Variants in WDR27 observed in about 807,000 individuals in gnomAD.
The protein encoded by WDR27 is WD repeat domain 27, also known as WD repeat-containing protein 27.
WDR27 carries 100 observed loss-of-function variants against 114.4 expected under a neutral mutation model. That is an observed-to-expected ratio of 0.87 (90% CI 0.74 to 1.03). WDR27 has a LOEUF of 1.03. WDR27 is among the 50% of genes least tolerant of loss of function. The pLI, the probability that WDR27 is intolerant of heterozygous loss-of-function variation, is 0.00. For synonymous variants in WDR27, 449 were observed against 423.1 expected (o/e 1.06, Z -0.75); for missense variants, 1,129 against 1,092.9 (o/e 1.03, Z -0.47).
At chr6:169,568,692 G>A (rs929443725) in intron 25 of WDR27, among the ~76,000 whole-genome samples, 2 of 152,214 alleles carry the variant, frequency 1.3e-5, no homozygotes, top group African/African-American at 4.8e-5. Context: ...ACATATTCTT[G>A]AAGGACAGAT....
At chr6:169,599,498 C>G (rs904595276) in intron 23 of WDR27, among the ~76,000 whole-genome samples, 1 of 151,984 alleles carries the variant, frequency 6.6e-6, no homozygotes, top group African/African-American at 2.4e-5. Context: ...GGAGAGTGTA[C>G]GTGTCGAGGA....
intron 25 of WDR27, among the ~76,000 whole-genome samples, chr6:169,571,270 AT>A (rs58906571): frequency 0.29 from 42,994 of 149,540 alleles, 6,651 homozygotes; most frequent in African/African-American, 0.41. Context: ...TAAAAAAAAA[AT>A]AAATAAAAAG....
At chr6:169,644,860 T>C (rs1820142126) in intron 16 of WDR27, among the ~76,000 whole-genome samples, 1 of 102,294 alleles carries the variant, frequency 9.8e-6, no homozygotes, top group Non-Finnish European at 1.8e-5. Flanking sequence ...ATACAAAAAA[T>C]TAGCCGGGCG....
chr6:169,626,613 G>C (rs1471756786), intron 21 of WDR27, among the ~76,000 whole-genome samples: 1 of 152,184 alleles, frequency 6.6e-6, no homozygotes, highest in African/African-American at 2.4e-5. Flanking sequence ...CCTCTGACCT[G>C]GAAGGTGATC....
At chr6:169,594,736 C>A (rs1806433958) in intron 23 of WDR27, among the ~76,000 whole-genome samples, 1 of 152,160 alleles carries the variant, frequency 6.6e-6, no homozygotes, top group Non-Finnish European at 1.5e-5. Flanking sequence ...TTTTTATTTT[C>A]ATTTGCCTGG....
rs552455898 is a variant in WDR27 at position 169,539,478 on chromosome 6, C to T, written c.2645+32941G>A. Among the ~76,000 whole-genome samples the T allele has an allele frequency of 4.6e-5, 7 of 152,196 alleles. No individual in the cohort carries two copies. In the East Asian group the frequency reaches 7.7e-4, roughly 17 times the overall value. On this transcript the variant is annotated intron_variant, in intron 25 of 25. Coordinates refer to ENST00000448612, the MANE Select transcript of WDR27 (RefSeq NM_182552.5). ...CAAATGCCTCACTTCCTTCTTGCTC[C>T]GTGTATCATGTTAGACATCCACCAC...
At chr6:169,449,491 G>C in the WDR27 span, among the ~76,000 whole-genome samples, 1 of 152,204 alleles carries the variant, frequency 6.6e-6, no homozygotes, top group Non-Finnish European at 1.5e-5. Flanking sequence ...GGAACACGTC[G>C]ACCCTAGGCA....
chr6:169,570,894 T>A (rs1336426626), intron 25 of WDR27, among the ~76,000 whole-genome samples: 1 of 151,858 alleles, frequency 6.6e-6, no homozygotes, highest in Non-Finnish European at 1.5e-5. Context: ...AGGCCAGGAG[T>A]CTCCCGTGGC....
intron 21 of WDR27, among the ~76,000 whole-genome samples, chr6:169,626,691 C>T (rs1181206223): frequency 2.0e-5 from 3 of 152,234 alleles, no homozygotes; most frequent in South Asian, 4.1e-4. Flanking sequence ...ACTCACACCA[C>T]GTCCGTGAGT....
chr6:169,686,044 A>G (rs1782859368), intron 2 of WDR27, among the ~76,000 whole-genome samples: 1 of 152,232 alleles, frequency 6.6e-6, no homozygotes. Flanking sequence ...TGGTTGCTAT[A>G]TTCAAAGTAC....
chr6:169,688,967 G>C lies in WDR27; in HGVS notation c.39C>G (p.Gly13=). 6.2e-7 allele frequency: 1 copy of C among 1,612,782 alleles called. No individual in the cohort carries two copies. The highest frequency in any genetic ancestry group is 8.5e-7 in the Non-Finnish European group (1 of 1,179,524). The change falls in exon 2 of 26, where the codon GGC becomes GGG. Residue 13 remains glycine, a synonymous_variant. Transcript: ENST00000448612. ...TTTCTATAACTATATCACTTAGACAGCCACCATTACTTGAGAAAATGTCTT... is the reference window on the plus strand; with the variant it reads ...TTTCTATAACTATATCACTTAGACACCCACCATTACTTGAGAAAATGTCTT... The part of the protein sequence containing the change: ...NPQDIFSSNG[G]CLSDIVIEKY...
At chr6:169,570,917 G>T (rs1245621531) in intron 25 of WDR27, among the ~76,000 whole-genome samples, 3 of 152,208 alleles carry the variant, frequency 2.0e-5, no homozygotes, top group African/African-American at 7.2e-5. Flanking sequence ...CCAGGAAGGA[G>T]GGGACAGCAG....
At chr6:169,607,139 G>C (rs1235690038) in intron 22 of WDR27, among the ~76,000 whole-genome samples, 1 of 152,094 alleles carries the variant, frequency 6.6e-6, no homozygotes, top group Non-Finnish European at 1.5e-5. Flanking sequence ...AATGCTGATG[G>C]GAATGTAAAT....
At position 169,517,602 on chromosome 6, in the gene WDR27, T is replaced by A. The variant is rs575537146; in HGVS notation, c.2645+54817A>T. Among the ~76,000 whole-genome samples the A allele has an allele frequency of 2.0e-4, 31 of 152,362 alleles. 1 individual carries two copies. In the East Asian group the frequency reaches 5.8e-3, roughly 28 times the overall value. On this transcript the variant is annotated intron_variant, in intron 25 of 25. Transcript: ENST00000448612. ...CTTTCTTCATGTGGGTTTGAGTTATTTTCTATTCAACTCAAAAGACTCCCT... is the reference window on the plus strand; with the variant it reads ...CTTTCTTCATGTGGGTTTGAGTTATATTCTATTCAACTCAAAAGACTCCCT...
At chr6:169,631,996 C>T (rs1816518753) in intron 21 of WDR27, among the ~76,000 whole-genome samples, 1 of 151,982 alleles carries the variant, frequency 6.6e-6, no homozygotes, top group African/African-American at 2.4e-5. Context: ...ACCAGCCTGA[C>T]CAACATGGTG....
intron 24 of WDR27, among the ~76,000 whole-genome samples, chr6:169,579,272 G>C (rs568091350): frequency 1.3e-5 from 2 of 152,338 alleles, no homozygotes; most frequent in African/African-American, 4.8e-5. Context: ...GTAGAAGAGA[G>C]AGCCTTAAGC....
At chr6:169,647,909 T>C (rs1352663773) in intron 15 of WDR27, 39 bp from the exon 16 acceptor site, 7 of 1,411,852 alleles carry the variant, frequency 5.0e-6, no homozygotes, top group Non-Finnish European at 6.7e-6. Context: ...CGGGAGACAT[T>C]CACAGTGAGA....
At chr6:169,477,053 C>A (rs1787277159) in intron 25 of WDR27, among the ~76,000 whole-genome samples, 1 of 152,142 alleles carries the variant, frequency 6.6e-6, no homozygotes, top group South Asian at 2.1e-4. Flanking sequence ...CATTTTAAAT[C>A]CTAAATAGTA....
rs569837239 is a variant in WDR27 at position 169,672,668 on chromosome 6, A to G, written c.190-272T>C. ...CATTTATCACTTATTAGTTAATCAA[A>G]TATAGAACATGTCTCCACCACATGC... is the stretch of plus-strand genomic sequence containing the variant. On this transcript the variant is annotated intron_variant, in intron 2 of 25. Transcript: ENST00000448612. Among the ~76,000 whole-genome samples the G allele has an allele frequency of 1.9e-3, 288 of 152,278 alleles. 1 individual carries two copies. The highest frequency in any genetic ancestry group is 6.7e-3 in the African/African-American group (277 of 41,542).
Sources: gnomAD v4.1 joint callset for allele counts (sites outside exome capture counted in the v4.1 genomes callset) on GRCh38, gnomAD v4.1.1 for gene constraint, MANE v1.5 for transcripts, NCBI Gene and HGNC (gene_info 2026-07-23, HGNC 2026-07-21) for gene names.